Variants in CHORDC1 observed in about 807,000 individuals in gnomAD.
CHORDC1 encodes cysteine and histidine rich domain containing 1.
CHORDC1 carries 25 observed loss-of-function variants against 48.3 expected under a neutral mutation model. The observed-to-expected ratio is 0.52, with a 90% confidence interval of 0.38 to 0.72. The LOEUF (loss-of-function observed/expected upper bound fraction) is 0.72, where lower values mean the gene tolerates loss of function less well. Ranked by LOEUF, CHORDC1 falls within the 30% of genes least tolerant of loss-of-function variation. The pLI is 0.00. For synonymous variants in CHORDC1, 128 were observed against 126.4 expected (o/e 1.01, Z -0.09); for missense variants, 317 against 388.7 (o/e 0.82, Z 1.55).
At chr11:90,218,050 A>T (rs77508443) in intron 2 of CHORDC1, 85 bp downstream of exon 2, 1 of 1,025,380 alleles carries the variant, frequency 9.8e-7, no homozygotes, top group African/African-American at 1.7e-5. Flanking sequence ...ACTAGCTGAG[A>T]AAAAAAGATG....
At chr11:90,213,119 G>T in intron 4 of CHORDC1, 1 of 311,140 alleles carries the variant, frequency 3.2e-6, no homozygotes, top group Non-Finnish European at 5.9e-6. Context: ...TGAAGATGGA[G>T]AGAGAATAAA....
At position 90,211,276 on chromosome 11, in the gene CHORDC1, G is replaced by C; in HGVS notation, c.372C>G (p.Ala124=). The C allele has an allele frequency of 1.9e-6, 3 of 1,609,520 alleles. No homozygotes were observed. The highest frequency in any genetic ancestry group is 2.5e-6 in the Non-Finnish European group (3 of 1,176,814). ...PMTNLELKIS[A]SLKQALDKLK... is the part of the protein sequence containing the mutation. ...GTTTATCAAGTGCTTGTTTTAGGGAGGCAGATATTTTTAATTCCAAATTTG... is the reference window on the plus strand; with the variant it reads ...GTTTATCAAGTGCTTGTTTTAGGGACGCAGATATTTTTAATTCCAAATTTG... Residue 124 remains alanine (A), a synonymous_variant, in exon 5 of 11, where the codon GCC becomes GCG. Transcript: ENST00000320585.
chr11:90,219,464 C>T (rs1858107709), intron 1 of CHORDC1, among the ~76,000 whole-genome samples: 1 of 152,224 alleles, frequency 6.6e-6, no homozygotes, highest in Admixed American at 6.5e-5. Context: ...AACAAAATCT[C>T]TGCAGCACTG....
At position 90,200,890 on chromosome 11, in the gene CHORDC1, T is replaced by C. The variant is rs985790580; in HGVS notation, c.*1515A>G. On this transcript the variant is annotated 3_prime_UTR_variant, in exon 11 of 11. Coordinates refer to ENST00000320585, the MANE Select transcript of CHORDC1 (RefSeq NM_012124.3). ...ATGTCTCTAAATGGTTCCTAAATCA[T>C]GGAAGATAACTTGAAAAATTTTAAA... is the stretch of plus-strand genomic sequence containing the variant. Among the ~76,000 whole-genome samples the C allele has an allele frequency of 4.6e-5, 7 of 151,958 alleles. No homozygotes were observed. Among genetic ancestry groups the C allele is most frequent in the Admixed American group, 4.6e-4 (7 of 15,254 alleles).
At position 90,202,274 on chromosome 11, in the gene CHORDC1, A is replaced by G. The variant is rs112836856; in HGVS notation, c.*131T>C. 1.7e-5 allele frequency: 14 copies of G among 822,252 alleles called. No homozygotes were observed. Among genetic ancestry groups the G allele is most frequent in the African/African-American group, 1.4e-4 (8 of 58,522 alleles). 50.9% of individuals were successfully genotyped at this position (822,252 alleles called of 1,614,324 possible). On this transcript the variant is annotated 3_prime_UTR_variant, in exon 11 of 11. Coordinates refer to ENST00000320585, the MANE Select transcript of CHORDC1 (RefSeq NM_012124.3). ...GACAAACTGACTTTGGCTTTTAAGA[A>G]CCTAATGTTAACCCTGAAATGCCAC...
intron 1 of CHORDC1, among the ~76,000 whole-genome samples, chr11:90,221,517 T>A (rs17227345): frequency 0.14 from 20,888 of 152,142 alleles, 1,802 homozygotes; most frequent in Middle Eastern, 0.23. Flanking sequence ...CTATCGCCCC[T>A]GAACTTTATT....
chr11:90,218,255 CCTT>C, intron 1 of CHORDC1, 71 bp from the exon 2 acceptor site: 1 of 1,140,234 alleles, frequency 8.8e-7, no homozygotes, highest in African/African-American at 1.6e-5. Context: ...ATGATCATCT[CCTT>C]AAGGTGTTAA....
At chr11:90,218,066 A>G (rs1371819523) in intron 2 of CHORDC1, 69 bp downstream of exon 2, 4 of 1,151,130 alleles carry the variant, frequency 3.5e-6, no homozygotes, top group Non-Finnish European at 4.9e-6. Flanking sequence ...AGATGAGAAA[A>G]TAAAGATTTA....
At chr11:90,222,660 G>A in intron 1 of CHORDC1, 1 of 691,014 alleles carries the variant, frequency 1.4e-6, no homozygotes, top group East Asian at 2.8e-5. Flanking sequence ...GTCTCTCTCC[G>A]CAGTGGCAGA....
intron 4 of CHORDC1, chr11:90,213,385 A>C (rs1465839439): frequency 1.4e-6 from 1 of 695,250 alleles, no homozygotes; most frequent in Admixed American, 2.0e-5. Flanking sequence ...TTTGCTTCTA[A>C]AACAATTTAG....
In CHORDC1 at chr11:90,205,461, G is replaced by C; in HGVS notation, c.668C>G (p.Ala223Gly). 3 of 1,559,660 alleles carry C rather than the reference G, an allele frequency of 1.9e-6. No individual in the cohort carries two copies. The highest frequency in any genetic ancestry group is 2.6e-6 in the Non-Finnish European group (3 of 1,137,464). ...KGKHMWTKKDAGKKVVPCRHD... is the reference protein window; with the variant it reads ...KGKHMWTKKDGGKKVVPCRHD... ...GCTATTTTTGGAAGAGTTACTTACA[G>C]CATCTTTTTTAGTCCACATGTGTTT... is the stretch of plus-strand genomic sequence containing the variant. The change falls in exon 8 of 11, where the codon GCT becomes GGT. Residue 223 changes from alanine to glycine, a missense_variant and splice_region_variant. Physicochemically the swap from Ala to Gly is moderately conservative, Grantham distance 60. Coordinates refer to ENST00000320585, the MANE Select transcript of CHORDC1 (RefSeq NM_012124.3).
At chr11:90,217,895 CAAAAA>C (rs71055891) in intron 2 of CHORDC1, 84 of 177,144 alleles carry the variant, frequency 4.7e-4, no homozygotes, top group South Asian at 1.8e-3. Flanking sequence ...AACTCCATCT[CAAAAA>C]AAAAAAAAAA....
intron 1 of CHORDC1, among the ~76,000 whole-genome samples, chr11:90,218,821 G>A (rs1003002703): frequency 2.6e-5 from 4 of 151,854 alleles, no homozygotes; most frequent in Non-Finnish European, 5.9e-5. Context: ...CTGCCTGGCG[G>A]CAGCCCTGTC....
At chr11:90,216,499 AT>A in intron 2 of CHORDC1, 1 of 414,004 alleles carries the variant, frequency 2.4e-6, no homozygotes, top group Non-Finnish European at 4.7e-6. Flanking sequence ...ATGTATACGC[AT>A]TTTGTCTGAA....
chr11:90,205,889 C>T (rs1300963103), intron 7 of CHORDC1: 4 of 442,354 alleles, frequency 9.0e-6, no homozygotes, highest in Non-Finnish European at 1.6e-5. Context: ...TCTAAATGCC[C>T]TGCAATGTGT....
intron 2 of CHORDC1, among the ~76,000 whole-genome samples, chr11:90,216,720 T>C (rs956417936): frequency 5.9e-5 from 9 of 152,156 alleles, no homozygotes; most frequent in Non-Finnish European, 8.8e-5. Context: ...AGTAGTATCA[T>C]TACTAGGAGC....
chr11:90,210,748 T>A, intron 5 of CHORDC1, 154 bp from the exon 6 acceptor site: 2 of 591,328 alleles, frequency 3.4e-6, no homozygotes, highest in South Asian at 4.3e-5. Flanking sequence ...ATATGACACA[T>A]TTCTTCTTCT....
intron 6 of CHORDC1, among the ~76,000 whole-genome samples, chr11:90,210,004 T>C (rs551590011): frequency 4.1e-4 from 63 of 152,326 alleles, no homozygotes; most frequent in African/African-American, 1.5e-3. Context: ...GACCTTGTTA[T>C]TCCTTGAATA....
At chr11:90,212,710 T>C (rs1187372698) in intron 4 of CHORDC1, 1 of 152,180 alleles carries the variant, frequency 6.6e-6, no homozygotes, top group Non-Finnish European at 1.5e-5. Flanking sequence ...ACTGCCTTTG[T>C]CCTTTTTTTT....
Sources: gnomAD v4.1 joint callset for allele counts (sites outside exome capture counted in the v4.1 genomes callset) on GRCh38, gnomAD v4.1.1 for gene constraint, MANE v1.5 for transcripts, NCBI Gene and HGNC (gene_info 2026-07-23, HGNC 2026-07-21) for gene names.